ICA1L: variants seen among roughly 807,000 people sequenced by gnomAD.
ICA1L encodes islet cell autoantigen 1-like protein.
In ICA1L, 50 loss-of-function variants were observed where a neutral mutation model predicts 61.3. The observed-to-expected ratio is 0.82, with a 90% CI of 0.65 to 1.03. ICA1L has a LOEUF of 1.03. Ranked by LOEUF, ICA1L falls within the 50% of genes least tolerant of loss-of-function variation. ICA1L has a pLI of 0.00. For missense variants in ICA1L, 508 were observed against 556.7 expected (o/e 0.91, Z 0.88); for synonymous variants, 161 against 191.3 (o/e 0.84, Z 1.31).
chr2:202,826,427 G>A (rs1416061085), intron 2 of ICA1L, among the ~76,000 whole-genome samples: 4 of 152,114 alleles, frequency 2.6e-5, no homozygotes, highest in Non-Finnish European at 4.4e-5. Context: ...ATTAATGTAG[G>A]TGTTCCCAGA....
At chr2:202,811,401 T>TCC (rs1037007064) in intron 9 of ICA1L, among the ~76,000 whole-genome samples, 267 of 152,126 alleles carry the variant, frequency 1.8e-3, no homozygotes, top group African/African-American at 6.3e-3. Context: ...ACACCTGTAT[T>TCC]CCCAGCAGTT....
chr2:202,773,820 CT>C lies in ICA1L; in HGVS notation c.*5712del. The C allele has an allele frequency of 1.4e-6, 2 of 1,392,340 alleles. No individual in the cohort carries two copies. Among genetic ancestry groups the C allele is most frequent in the Non-Finnish European group, 2.0e-6 (2 of 980,910 alleles). The allele number at this position is 1,392,340 out of a possible 1,614,324, so 86.2% of individuals were successfully genotyped here. A position where few individuals can be genotyped will look rare whatever the true frequency, so the allele number is the denominator to read the frequency against. On this transcript the variant is annotated 3_prime_UTR_variant, in exon 13 of 13. Transcript: ENST00000358299. ...CAAGAGCAGGCTGTAAAAGCAAAGG[CT>C]AGCTGTGCAAGTGCAGCCCTGTGGG...
rs753991027 is a variant in ICA1L, at chr2:202,785,938, C to T, written c.1313G>A (p.Ser438Asn). 1.0e-5 allele frequency: 16 copies of T among 1,594,726 alleles called. No individual in the cohort carries two copies. Among genetic ancestry groups the T allele is most frequent in the East Asian group, 4.5e-5 (2 of 44,606 alleles). The change falls in exon 12 of 13, where the codon AGT becomes AAT. Residue 438 changes from serine to asparagine, a missense_variant. Physicochemically the swap from Ser to Asn is conservative, Grantham distance 46 (BLOSUM62 1). Coordinates refer to ENST00000358299, the MANE Select transcript of ICA1L (RefSeq NM_001288622.3). The part of the protein sequence containing the change: ...HTDNQPVPSQ[S>N]PKKLTRSPNN... ...CTTACATCTTGTTAATTTCTTTGGACTCTGTGAAGGCACTGGCTGGTTATC... is the reference window on the plus strand; with the variant it reads ...CTTACATCTTGTTAATTTCTTTGGATTCTGTGAAGGCACTGGCTGGTTATC...
At position 202,787,351 on chromosome 2, in the gene ICA1L, C is replaced by T. The variant is rs372936046; in HGVS notation, c.1244-1344G>A. Among the ~76,000 whole-genome samples, 6 of 152,164 alleles carry T rather than the reference C, an allele frequency of 3.9e-5. No homozygotes were observed. The East Asian group carries it at 1.2e-3, about 29-fold the overall frequency. Reference sequence around the variant, plus strand: ...AAGTTCAGTGCTGCTAGAAACGTGGCAAGTTATGGAGGAAGAGGGAGGAGT... The same window carrying T: ...AAGTTCAGTGCTGCTAGAAACGTGGTAAGTTATGGAGGAAGAGGGAGGAGT... On this transcript the variant is annotated intron_variant, in intron 11 of 12. Coordinates refer to ENST00000358299, the MANE Select transcript of ICA1L (RefSeq NM_001288622.3).
At chr2:202,846,576 A>AAGGAGGGC (rs1487050038) in intron 1 of ICA1L, among the ~76,000 whole-genome samples, 5 of 152,252 alleles carry the variant, frequency 3.3e-5, no homozygotes, top group African/African-American at 1.2e-4. Flanking sequence ...AGGCAGGTCA[A>AAGGAGGGC]AGGAGGGCAG....
chr2:202,862,315 T>G (rs1485280807), intron 1 of ICA1L, among the ~76,000 whole-genome samples: 3 of 116,060 alleles, frequency 2.6e-5, no homozygotes, highest in Admixed American at 1.1e-4. Flanking sequence ...AGGCCAGAAG[T>G]GCTGGCACAC....
At chr2:202,782,735 TAC>T (rs755786654) in intron 12 of ICA1L, among the ~76,000 whole-genome samples, 10 of 152,100 alleles carry the variant, frequency 6.6e-5, no homozygotes. Context: ...AGTTTTGTTG[TAC>T]CTTCTTGGTG....
chr2:202,780,661 A>T (rs1374386308), intron 12 of ICA1L, among the ~76,000 whole-genome samples: 1 of 152,178 alleles, frequency 6.6e-6, no homozygotes, highest in Non-Finnish European at 1.5e-5. Flanking sequence ...CCTCTTTCAC[A>T]TCACAGTAAC....
chr2:202,781,857 C>T (rs1046203570), intron 12 of ICA1L, among the ~76,000 whole-genome samples: 4 of 152,052 alleles, frequency 2.6e-5, no homozygotes, highest in Non-Finnish European at 5.9e-5. Context: ...GTGGTATTAC[C>T]AATTTACACT....
At chr2:202,823,988 T>G (rs1693766572) in intron 3 of ICA1L, among the ~76,000 whole-genome samples, 2 of 152,182 alleles carry the variant, frequency 1.3e-5, no homozygotes, top group Admixed American at 1.3e-4. Context: ...TATAAAGCAA[T>G]GAGATTAATT....
intron 11 of ICA1L, among the ~76,000 whole-genome samples, chr2:202,787,334 T>C (rs1692617532): frequency 6.6e-6 from 1 of 152,186 alleles, no homozygotes; most frequent in Non-Finnish European, 1.5e-5. Flanking sequence ...AAAAGTTCAG[T>C]GCTGCTAGAA....
chr2:202,815,578 A>G (rs997333141), intron 7 of ICA1L, among the ~76,000 whole-genome samples: 4 of 152,032 alleles, frequency 2.6e-5, no homozygotes, highest in Non-Finnish European at 5.9e-5. Flanking sequence ...CTTCCTTTGC[A>G]TAGCCTTTTC....
Position 202,774,310 on chromosome 2 carries a change from C to G in ICA1L, c.*5223G>C. On this transcript the variant is annotated 3_prime_UTR_variant, in exon 13 of 13. Coordinates refer to ENST00000358299, the MANE Select transcript of ICA1L (RefSeq NM_001288622.3). ...ACCTACGGGCGACCGCGGACGGCGG[C>G]GCGCGCGTTCCCCGCAGCGCTGAGG... The G allele has an allele frequency of 6.7e-7, 1 of 1,499,270 alleles. No individual in the cohort carries two copies. The allele number at this position is 1,499,270 out of a possible 1,614,324, so 92.9% of individuals were successfully genotyped here. A position where few individuals can be genotyped will look rare whatever the true frequency, so the allele number is the denominator to read the frequency against.
intron 6 of ICA1L, among the ~76,000 whole-genome samples, chr2:202,816,613 A>C (rs1006314308): frequency 1.3e-5 from 2 of 152,176 alleles, no homozygotes; most frequent in Non-Finnish European, 2.9e-5. Context: ...TTCAGGCAAG[A>C]TGCTAAACAG....
intron 1 of ICA1L, among the ~76,000 whole-genome samples, chr2:202,863,746 G>A (rs1226386468): frequency 1.3e-5 from 2 of 150,962 alleles, no homozygotes; most frequent in Admixed American, 1.3e-4. Context: ...AGAATGGCAT[G>A]AACCCGGGAG....
chr2:202,798,873 T>C (rs894311978), intron 9 of ICA1L, among the ~76,000 whole-genome samples: 5 of 152,212 alleles, frequency 3.3e-5, no homozygotes, highest in African/African-American at 9.7e-5. Flanking sequence ...GAATGTATGA[T>C]ATTTGTCTTT....
chr2:202,857,010 A>T (rs114139737), intron 1 of ICA1L, among the ~76,000 whole-genome samples: 13,557 of 152,264 alleles, frequency 0.089, 743 homozygotes, highest in Non-Finnish European at 0.12. Context: ...AGACATTCCA[A>T]GCTCATGGAT....
At chr2:202,846,988 AC>A (rs1308505989) in intron 1 of ICA1L, among the ~76,000 whole-genome samples, 23 of 152,344 alleles carry the variant, frequency 1.5e-4, no homozygotes, top group Admixed American at 1.5e-3. Flanking sequence ...TGTGCTGGGT[AC>A]CATGAGTGAA....
At chr2:202,841,181 C>T in intron 1 of ICA1L, 1 of 674,624 alleles carries the variant, frequency 1.5e-6, no homozygotes, top group Non-Finnish European at 2.7e-6. Flanking sequence ...AAGCTTCATC[C>T]ACATACTGCC....
Sources: gnomAD v4.1 joint callset for allele counts (sites outside exome capture counted in the v4.1 genomes callset) on GRCh38, gnomAD v4.1.1 for gene constraint, MANE v1.5 for transcripts, NCBI Gene and HGNC (gene_info 2026-07-23, HGNC 2026-07-21) for gene names.